TIFAB: variants seen among roughly 807,000 people sequenced by gnomAD.
The protein encoded by TIFAB is TRAF-interacting protein with FHA domain-containing protein B.
For synonymous variants in TIFAB, 116 were observed against 95.2 expected (o/e 1.22, Z -1.27); for missense variants, 222 against 203.6 (o/e 1.09, Z -0.55).
Position 135,444,443 on chromosome 5 carries a change from G to T in TIFAB, c.*5011C>A, listed in dbSNP as rs12654326. On this transcript the variant is annotated 3_prime_UTR_variant, in exon 2 of 2. Coordinates refer to ENST00000537858, the MANE Select transcript of TIFAB (RefSeq NM_001099221.2). ...TAGGCTGCCACCATGAGGGAAGCTG[G>T]AGGGAGGACCTGTTAACCTCATGGT... 15,243 of 152,346 alleles carry T rather than the reference G, an allele frequency of 0.1. 854 individuals are homozygous for T. The highest frequency in any genetic ancestry group is 0.2 in the South Asian group (969 of 4,826). 9.4% of individuals were successfully genotyped at this position (152,346 alleles called of 1,614,324 possible). A position where few individuals can be genotyped will look rare whatever the true frequency, so the allele number is the denominator to read the frequency against.
In TIFAB at chr5:135,446,763, T is replaced by G. The variant is rs1246518959; in HGVS notation, c.*2691A>C. ...CTGGTCTGGCCTGTCTTCCTTCTGC[T>G]GCTATGCAGTTCATCCTGGGTCCCT... On this transcript the variant is annotated 3_prime_UTR_variant, in exon 2 of 2. Coordinates refer to ENST00000537858, the MANE Select transcript of TIFAB (RefSeq NM_001099221.2). The G allele has an allele frequency of 1.1e-5, 18 of 1,613,886 alleles. No homozygotes were observed. Among genetic ancestry groups the G allele is most frequent in the African/African-American group, 2.7e-5 (2 of 74,924 alleles).
chr5:135,446,202 A>G lies in TIFAB; in HGVS notation c.*3252T>C. Reference sequence around the variant, plus strand: ...AAGAAACTGTGGCACGGAGAGATTCAGTTACTTGTCCAGGATCACAGAACT... The same window carrying G: ...AAGAAACTGTGGCACGGAGAGATTCGGTTACTTGTCCAGGATCACAGAACT... On this transcript the variant is annotated 3_prime_UTR_variant, in exon 2 of 2. Coordinates refer to ENST00000537858, the MANE Select transcript of TIFAB (RefSeq NM_001099221.2). The G allele has an allele frequency of 1.3e-6, 1 of 754,468 alleles. No individual in the cohort carries two copies. Among genetic ancestry groups the G allele is most frequent in the Non-Finnish European group, 2.1e-6 (1 of 478,216 alleles). The allele number at this position is 754,468 out of a possible 1,614,324, so 46.7% of individuals were successfully genotyped here.
chr5:135,451,111 C>A (rs977506297), intron 1 of TIFAB, among the ~76,000 whole-genome samples: 1 of 152,132 alleles, frequency 6.6e-6, no homozygotes, highest in African/African-American at 2.4e-5. Flanking sequence ...TGTTCCACTG[C>A]CCCATACAAA....
Position 135,447,159 on chromosome 5 carries a change from A to T in TIFAB, c.*2295T>A. On this transcript the variant is annotated 3_prime_UTR_variant, in exon 2 of 2. Coordinates refer to ENST00000537858, the MANE Select transcript of TIFAB (RefSeq NM_001099221.2). ...ACAGATCACTGCTGCTTTTCATCAG[A>T]CCAAAATACATGTGGCTTCTTCTCC... 1 of 1,611,526 alleles carries T rather than the reference A, an allele frequency of 6.2e-7. No individual in the cohort carries two copies. The highest frequency in any genetic ancestry group is 8.5e-7 in the Non-Finnish European group (1 of 1,178,322).
In TIFAB at chr5:135,449,335, T is replaced by A; in HGVS notation, c.*119A>T. 7.4e-7 allele frequency: 1 copy of A among 1,359,596 alleles called. No homozygotes were observed. The highest frequency in any genetic ancestry group is 9.9e-7 in the Non-Finnish European group (1 of 1,011,978). 84.2% of individuals were successfully genotyped at this position (1,359,596 alleles called of 1,614,324 possible). On this transcript the variant is annotated 3_prime_UTR_variant, in exon 2 of 2. Coordinates refer to ENST00000537858, the MANE Select transcript of TIFAB (RefSeq NM_001099221.2). ...TGCTCTAGTGGCAGGGCTAGCAGAGTGCACTGTCTGGGGGTTCCCTCTGGA... is the reference window on the plus strand; with the variant it reads ...TGCTCTAGTGGCAGGGCTAGCAGAGAGCACTGTCTGGGGGTTCCCTCTGGA...
chr5:135,451,481 T>C (rs1041572408), intron 1 of TIFAB, among the ~76,000 whole-genome samples: 17 of 147,078 alleles, frequency 1.2e-4, no homozygotes, highest in Non-Finnish European at 2.4e-4. Flanking sequence ...CCTTTCTTTT[T>C]TTTCTTTTTT....
Position 135,449,464 on chromosome 5 carries a change from C to A in TIFAB, c.476G>T (p.Gly159Val), listed in dbSNP as rs1274922327. The change falls in exon 2 of 2, where the codon GGT (glycine) becomes GTT (valine). Residue 159 changes from glycine to valine, a missense_variant. Physicochemically the swap from Gly to Val is moderately radical, Grantham distance 109 (BLOSUM62 -3). Coordinates refer to ENST00000537858, the MANE Select transcript of TIFAB (RefSeq NM_001099221.2). ...GGCAACCTGGATCTGCTACCCTGAA[C>A]CAGGGGGAGGCTGCCCCTGGGAGAT... is the stretch of plus-strand genomic sequence containing the variant. Reference protein sequence around the residue: ...EGISQGQPPPGSG With the variant: ...EGISQGQPPPVSG 24 of 1,613,510 alleles carry A rather than the reference C, an allele frequency of 1.5e-5. No individual in the cohort carries two copies. Among genetic ancestry groups the A allele is most frequent in the Non-Finnish European group, 1.7e-5 (20 of 1,179,820 alleles).
chr5:135,450,022 C>A, intron 1 of TIFAB, 73 bp from the exon 2 acceptor site: 1 of 1,500,370 alleles, frequency 6.7e-7, no homozygotes, highest in Non-Finnish European at 8.9e-7. Flanking sequence ...AGCCCAGACA[C>A]ACTTGCCCAC....
rs67187482 is a variant in TIFAB at position 135,446,706 on chromosome 5, T to A, written c.*2748A>T. 0.027 allele frequency: 44,326 copies of A among 1,613,610 alleles called. 2,760 individuals carry two copies. Among genetic ancestry groups the A allele is most frequent in the African/African-American group, 0.25 (19,067 of 74,946 alleles). The stretch of plus-strand genomic sequence containing the variant: ...ACTGTGAACGGGTAGAGTCTGAAAC[T>A]ACAAACCAGATGTTTCCGGGCTCCC... On this transcript the variant is annotated 3_prime_UTR_variant, in exon 2 of 2. Transcript: ENST00000537858.
rs893536921 is a variant in TIFAB at position 135,449,581 on chromosome 5, G to T, written c.359C>A (p.Thr120Lys). The T allele has an allele frequency of 6.2e-7, 1 of 1,614,268 alleles. No homozygotes were observed. Among genetic ancestry groups the T allele is most frequent in the Admixed American group, 1.7e-5 (1 of 60,032 alleles). ...ATAGCAGACAAAAGCCTCCAGGGATGTGCCTTCTTCTACGCGAACCAGCAT... is the reference window on the plus strand; with the variant it reads ...ATAGCAGACAAAAGCCTCCAGGGATTTGCCTTCTTCTACGCGAACCAGCAT... ...IQMLVRVEEG[T>K]SLEAFVCYFH... The change falls in exon 2 of 2, where the codon ACA becomes AAA. Residue 120 changes from threonine (T) to lysine (K), a missense_variant. By Grantham distance (78) the Thr-to-Lys change is moderately conservative (BLOSUM62 -1). Transcript: ENST00000537858.
rs1198023075 is a variant in TIFAB at position 135,444,923 on chromosome 5, G to A, written c.*4531C>T. 1 of 152,458 alleles carries A rather than the reference G, an allele frequency of 6.6e-6. No individual in the cohort carries two copies. Among genetic ancestry groups the A allele is most frequent in the Non-Finnish European group, 1.5e-5 (1 of 68,210 alleles). 9.4% of individuals were successfully genotyped at this position (152,458 alleles called of 1,614,324 possible). ...AGCATCACGTTCTCAGTCCTTTCCT[G>A]TGTGGATGGAGTGTTGGCACAGTGA... On this transcript the variant is annotated 3_prime_UTR_variant, in exon 2 of 2. Transcript: ENST00000537858.
Position 135,449,329 on chromosome 5 carries a change from G to C in TIFAB, c.*125C>G. The C allele has an allele frequency of 3.8e-6, 5 of 1,322,570 alleles. No homozygotes were observed. The highest frequency in any genetic ancestry group is 5.1e-6 in the Non-Finnish European group (5 of 978,564). The allele number at this position is 1,322,570 out of a possible 1,614,324, so 81.9% of individuals were successfully genotyped here. On this transcript the variant is annotated 3_prime_UTR_variant, in exon 2 of 2. Transcript: ENST00000537858. ...AAGGCTTGCTCTAGTGGCAGGGCTA[G>C]CAGAGTGCACTGTCTGGGGGTTCCC...
Position 135,446,684 on chromosome 5 carries a change from G to A in TIFAB, c.*2770C>T, listed in dbSNP as rs1283382524. On this transcript the variant is annotated 3_prime_UTR_variant, in exon 2 of 2. Transcript: ENST00000537858. Reference sequence around the variant, plus strand: ...GTTTCCCGGTGAGACTGTGTGAACTGTGAACGGGTAGAGTCTGAAACTACA... The same window carrying A: ...GTTTCCCGGTGAGACTGTGTGAACTATGAACGGGTAGAGTCTGAAACTACA... 1 of 1,613,952 alleles carries A rather than the reference G, an allele frequency of 6.2e-7. No homozygotes were observed. The highest frequency in any genetic ancestry group is 1.1e-5 in the South Asian group (1 of 91,078).
Position 135,447,064 on chromosome 5 carries a change from G to C in TIFAB, c.*2390C>G, listed in dbSNP as rs370225970. ...GGTGTCCAGGTACAGTCTCCAGGCC[G>C]TGGCTTCTCGAGTTCTGTATGTGGG... On this transcript the variant is annotated 3_prime_UTR_variant, in exon 2 of 2. Coordinates refer to ENST00000537858, the MANE Select transcript of TIFAB (RefSeq NM_001099221.2). 1 of 1,614,032 alleles carries C rather than the reference G, an allele frequency of 6.2e-7. No individual in the cohort carries two copies.
chr5:135,446,030 G>T lies in TIFAB; in HGVS notation c.*3424C>A. 4.9e-6 allele frequency: 1 copy of T among 203,210 alleles called. No homozygotes were observed. Among genetic ancestry groups the T allele is most frequent in the South Asian group, 1.1e-4 (1 of 8,864 alleles). 12.6% of individuals were successfully genotyped at this position (203,210 alleles called of 1,614,324 possible). On this transcript the variant is annotated 3_prime_UTR_variant, in exon 2 of 2. Coordinates refer to ENST00000537858, the MANE Select transcript of TIFAB (RefSeq NM_001099221.2). ...GTAGACTGGGTCCATGTGCCTACAT[G>T]CATTCAGTTCCTCCCACCAAACTGG...
Position 135,449,179 on chromosome 5 carries a change from T to A in TIFAB, c.*275A>T. 2.0e-6 allele frequency: 1 copy of A among 500,146 alleles called. No individual in the cohort carries two copies. 31.0% of individuals were successfully genotyped at this position (500,146 alleles called of 1,614,324 possible). ...TAGCTCTGGCCACAGAGGGTGCTTC[T>A]CCCCCCTGGGCTGTTTGTTCGGTGT... On this transcript the variant is annotated 3_prime_UTR_variant, in exon 2 of 2. Coordinates refer to ENST00000537858, the MANE Select transcript of TIFAB (RefSeq NM_001099221.2).
chr5:135,451,619 G>T (rs1769363678), intron 1 of TIFAB, among the ~76,000 whole-genome samples: 1 of 152,204 alleles, frequency 6.6e-6, no homozygotes, highest in Admixed American at 6.5e-5. Flanking sequence ...CAGTAGCTGG[G>T]ATTACAGGTG....
rs1358428234 is a variant in TIFAB at position 135,450,043 on chromosome 5, C to T, written c.-10-94G>A. The T allele has an allele frequency of 4.8e-6, 7 of 1,447,620 alleles. No homozygotes were observed. The South Asian group carries it at 8.8e-5, about 18-fold the overall frequency. 89.7% of individuals were successfully genotyped at this position (1,447,620 alleles called of 1,614,324 possible). On this transcript the variant is annotated intron_variant, in intron 1 of 1. Transcript: ENST00000537858. ...GACACACTTGCCCACCTCAGGGGCC[C>T]TGTGCCTGTTCATACAATCACTCTG...
chr5:135,446,008 G>C lies in TIFAB; in HGVS notation c.*3446C>G, dbSNP rs778421248. ...GTAGCTCCTTTTGTGCCTGAGTGTA[G>C]ACTGGGTCCATGTGCCTACATGCAT... is the stretch of plus-strand genomic sequence containing the variant. On this transcript the variant is annotated 3_prime_UTR_variant, in exon 2 of 2. Transcript: ENST00000537858. 4.8e-5 allele frequency: 9 copies of C among 186,964 alleles called. No individual in the cohort carries two copies. The highest frequency in any genetic ancestry group is 7.0e-5 in the African/African-American group (3 of 42,564). 11.6% of individuals were successfully genotyped at this position (186,964 alleles called of 1,614,324 possible). A position where few individuals can be genotyped will look rare whatever the true frequency, so the allele number is the denominator to read the frequency against.
Sources: allele counts gnomAD v4.1 joint callset (sites outside exome capture counted in the v4.1 genomes callset), GRCh38; gene constraint gnomAD v4.1.1; transcripts MANE v1.5; gene names NCBI Gene and HGNC (gene_info 2026-07-23, HGNC 2026-07-21).